Variants in RALGAPA2 observed in about 807,000 individuals in gnomAD.
The protein encoded by RALGAPA2 is Ral GTPase activating protein catalytic subunit alpha 2, also known as ral GTPase-activating protein subunit alpha-2.
A neutral mutation model predicts 230.4 loss-of-function variants in RALGAPA2; 139 were observed. The observed-to-expected ratio is 0.60, with a 90% confidence interval of 0.53 to 0.69. The LOEUF is 0.69. Among genes scored for constraint, RALGAPA2 ranks in the 30% least tolerant of loss-of-function variants. RALGAPA2 has a pLI of 0.00. For synonymous variants in RALGAPA2, 847 were observed against 837.8 expected (o/e 1.01, Z -0.19); for missense variants, 2,163 against 2,276.0 (o/e 0.95, Z 1.01).
chr20:20,532,401 A>AAGAG (rs2063389571), intron 26 of RALGAPA2, among the ~76,000 whole-genome samples: 1 of 152,218 alleles, frequency 6.6e-6, no homozygotes, highest in Admixed American at 6.5e-5. Context: ...ACACTAAAGA[A>AAGAG]AGAGAGAGGA....
chr20:20,601,863 A>G lies in RALGAPA2; in HGVS notation c.2039-17T>C. ...GAACACAGCCTGATAAAGGAAAAGAAAAATAATCTAAAGGCTGAATTCATT... is the reference window on the plus strand; with the variant it reads ...GAACACAGCCTGATAAAGGAAAAGAGAAATAATCTAAAGGCTGAATTCATT... On this transcript the variant is annotated splice_polypyrimidine_tract_variant and intron_variant, in intron 15 of 39. Coordinates refer to ENST00000202677, the MANE Select transcript of RALGAPA2 (RefSeq NM_020343.4). 1 of 1,570,366 alleles carries G rather than the reference A, an allele frequency of 6.4e-7. No homozygotes were observed. Among genetic ancestry groups the G allele is most frequent in the South Asian group, 1.2e-5 (1 of 85,368 alleles).
intron 16 of RALGAPA2, 43 bp downstream of exon 16, chr20:20,601,639 G>T (rs1230668190): frequency 6.3e-7 from 1 of 1,582,054 alleles, no homozygotes; most frequent in South Asian, 1.1e-5. Context: ...ATTTATTTTA[G>T]ATAACAATTA....
chr20:20,604,955 CCTTCCTTGCAT>C (rs1330189523), intron 15 of RALGAPA2, among the ~76,000 whole-genome samples: 16 of 152,278 alleles, frequency 1.1e-4, no homozygotes, highest in African/African-American at 3.6e-4. Flanking sequence ...ATTACTACTA[CCTTCCTTGCAT>C]CTTCCTTCTT....
chr20:20,620,515 A>G lies in RALGAPA2; in HGVS notation c.1349T>C (p.Val450Ala). The change falls in exon 11 of 40, where the codon GTT becomes GCT. Residue 450 changes from valine to alanine, a missense_variant. Transcript: ENST00000202677. ...TAATTTTTCAGCATCTTCTTGGGCAACATCTTTTCTATCTGGCTCCTCCAT... is the reference window on the plus strand; with the variant it reads ...TAATTTTTCAGCATCTTCTTGGGCAGCATCTTTTCTATCTGGCTCCTCCAT... ...VFMEEPDRKDVAQEDAEKLGF... is the reference protein window; with the variant it reads ...VFMEEPDRKDAAQEDAEKLGF... 2 of 1,613,988 alleles carry G rather than the reference A, an allele frequency of 1.2e-6. No homozygotes were observed. Among genetic ancestry groups the G allele is most frequent in the South Asian group, 1.1e-5 (1 of 91,084 alleles).
intron 27 of RALGAPA2, among the ~76,000 whole-genome samples, chr20:20,529,733 T>C (rs923427930): frequency 6.6e-5 from 10 of 152,076 alleles, no homozygotes; most frequent in Non-Finnish European, 1.2e-4. Context: ...ACCATCTAGG[T>C]TTCTGTAATA....
rs2059594890 is a variant in RALGAPA2, at chr20:20,391,062, A to G, written c.*2227T>C. ...TAAATCCTGACATATCTTTTCTACT[A>G]AAGCCAGCAATTCCGCAACAGGAGT... On this transcript the variant is annotated 3_prime_UTR_variant, in exon 40 of 40. Coordinates refer to ENST00000202677, the MANE Select transcript of RALGAPA2 (RefSeq NM_020343.4). 1 of 152,316 alleles carries G rather than the reference A, an allele frequency of 6.6e-6. No homozygotes were observed. Among genetic ancestry groups the G allele is most frequent in the African/African-American group, 2.4e-5 (1 of 41,570 alleles). 9.4% of individuals were successfully genotyped at this position (152,316 alleles called of 1,614,324 possible).
chr20:20,657,167 A>C, intron 3 of RALGAPA2, among the ~76,000 whole-genome samples: 1 of 152,238 alleles, frequency 6.6e-6, no homozygotes, highest in East Asian at 1.9e-4. Flanking sequence ...GTGAAAGGGA[A>C]AAGACGGCAG....
intron 3 of RALGAPA2, among the ~76,000 whole-genome samples, chr20:20,656,568 A>G (rs1358336662): frequency 1.3e-5 from 2 of 152,216 alleles, no homozygotes; most frequent in African/African-American, 4.8e-5. Flanking sequence ...AATATGCTCT[A>G]ACATTAATTT....
chr20:20,639,526 A>G (rs912012145), intron 7 of RALGAPA2, among the ~76,000 whole-genome samples: 11 of 152,150 alleles, frequency 7.2e-5, no homozygotes, highest in African/African-American at 2.7e-4. Flanking sequence ...CCTGTCTTGC[A>G]AGCATAGAGA....
chr20:20,619,135 T>C, intron 12 of RALGAPA2, 142 bp downstream of exon 12: 2 of 933,880 alleles, frequency 2.1e-6, no homozygotes, highest in South Asian at 9.6e-5. Flanking sequence ...TAATAGCTAA[T>C]TAAATTGCTG....
rs1320751182 is a variant in RALGAPA2 at position 20,635,573 on chromosome 20, G to A, written c.850C>T (p.Arg284Ter). 8 of 1,583,254 alleles carry A rather than the reference G, an allele frequency of 5.1e-6. No homozygotes were observed. Among genetic ancestry groups the A allele is most frequent in the Non-Finnish European group, 5.1e-6 (6 of 1,169,792 alleles). Residue 284 changes from arginine to a stop codon, truncating the protein, a stop_gained, in exon 9 of 40, where the codon CGA becomes TGA. Coordinates refer to ENST00000202677, the MANE Select transcript of RALGAPA2 (RefSeq NM_020343.4). LOFTEE classifies it high-confidence loss of function. ...GTACTGTAAATGTTCTCATTGTCTC[G>A]AGTGGTAGTAATGTACACAGGCTTT... ...RPKPVYITTT[R>*]DNENIYSTKI...
intron 3 of RALGAPA2, chr20:20,659,719 T>C: frequency 1.5e-6 from 1 of 648,948 alleles, no homozygotes. Context: ...GATGAACAAG[T>C]TATACACCTT....
At chr20:20,650,996 C>T (rs564581644) in intron 4 of RALGAPA2, among the ~76,000 whole-genome samples, 2 of 152,120 alleles carry the variant, frequency 1.3e-5, no homozygotes, top group African/African-American at 2.4e-5. Flanking sequence ...CTGCAACACC[C>T]GAATAAGGCT....
In RALGAPA2 at chr20:20,571,453, A is replaced by G. The variant is rs1568592942; in HGVS notation, c.3156+5T>C. On this transcript the variant is annotated splice_donor_5th_base_variant and intron_variant, in intron 23 of 39. Transcript: ENST00000202677. ...GGCAATCACAATAAAGGAGTCGCAG[A>G]ATACCTGATCCTCGCTGGTTAATCC... The G allele has an allele frequency of 6.2e-7, 1 of 1,608,816 alleles. No individual in the cohort carries two copies. Among genetic ancestry groups the G allele is most frequent in the Non-Finnish European group, 8.5e-7 (1 of 1,177,562 alleles).
At chr20:20,676,100 T>A in intron 3 of RALGAPA2, 136 bp downstream of exon 3, 3 of 566,846 alleles carry the variant, frequency 5.3e-6, no homozygotes, top group Non-Finnish European at 9.2e-6. Context: ...AGTGGGAGGG[T>A]GGGAGGAAGG....
At chr20:20,597,471 G>A (rs1275875597) in intron 16 of RALGAPA2, among the ~76,000 whole-genome samples, 1 of 151,986 alleles carries the variant, frequency 6.6e-6, no homozygotes, top group African/African-American at 2.4e-5. Flanking sequence ...AAAGTAATAT[G>A]GTATTTACAT....
At chr20:20,449,719 G>C (rs2060946250) in intron 37 of RALGAPA2, among the ~76,000 whole-genome samples, 1 of 151,870 alleles carries the variant, frequency 6.6e-6, no homozygotes, top group South Asian at 2.1e-4. Flanking sequence ...GATATCTTTT[G>C]AACTCATGGG....
At position 20,508,837 on chromosome 20, in the gene RALGAPA2, T is replaced by G. The variant is rs146581996; in HGVS notation, c.4928+2417A>C. On this transcript the variant is annotated intron_variant, in intron 33 of 39. Coordinates refer to ENST00000202677, the MANE Select transcript of RALGAPA2 (RefSeq NM_020343.4). ...ATAAAATAAGTTGATACCCATTTGA[T>G]GTCAAGAAGACACTAAATCCAGGAG... Among the ~76,000 whole-genome samples the G allele has an allele frequency of 7.9e-5, 12 of 152,330 alleles. No homozygotes were observed. In the East Asian group the frequency reaches 2.3e-3, roughly 29 times the overall value.
At chr20:20,669,519 G>T (rs2146737032) in intron 3 of RALGAPA2, among the ~76,000 whole-genome samples, 1 of 152,170 alleles carries the variant, frequency 6.6e-6, no homozygotes, top group East Asian at 1.9e-4. Context: ...AATCATCCAG[G>T]GGCCAGGTGC....
Sources: gnomAD v4.1 joint callset for allele counts (sites outside exome capture counted in the v4.1 genomes callset) on GRCh38, gnomAD v4.1.1 for gene constraint, MANE v1.5 for transcripts, NCBI Gene and HGNC (gene_info 2026-07-23, HGNC 2026-07-21) for gene names.